Variants in GALNT10 observed in about 807,000 individuals in gnomAD.
The protein encoded by GALNT10 is GalNAc transferase 10.
In GALNT10, 41 loss-of-function variants were observed where a neutral mutation model predicts 75.0. The observed-to-expected ratio is 0.55, with a 90% confidence interval of 0.43 to 0.71. The LOEUF (loss-of-function observed/expected upper bound fraction) is 0.71. Ranked by LOEUF, GALNT10 falls within the 30% of genes least tolerant of loss-of-function variation. The pLI, the probability that GALNT10 is intolerant of heterozygous loss-of-function variation, is 0.00. For synonymous variants in GALNT10, 302 were observed against 313.0 expected (o/e 0.96, Z 0.37); for missense variants, 727 against 818.5 (o/e 0.89, Z 1.36).
In GALNT10 at chr5:154,297,953, A is replaced by G. The variant is rs1754305951; in HGVS notation, c.275A>G (p.Gln92Arg). ...RDAQRVGNGE[Q>R]GRPYPMTDAE... ...TCTTTGCTTCTAGGAAATGGAGAAC[A>G]AGGAAGACCTTACCCCATGACCGAT... The change falls in exon 3 of 12, where the codon CAA becomes CGA. Residue 92 changes from glutamine (Q) to arginine (R), a missense_variant. Coordinates refer to ENST00000297107, the MANE Select transcript of GALNT10 (RefSeq NM_198321.4). The G allele has an allele frequency of 6.2e-7, 1 of 1,613,452 alleles. No individual in the cohort carries two copies. Among genetic ancestry groups the G allele is most frequent in the South Asian group, 1.1e-5 (1 of 91,042 alleles).
Position 154,417,113 on chromosome 5 carries a change from A to G in GALNT10, c.*141A>G. 1 of 718,358 alleles carries G rather than the reference A, an allele frequency of 1.4e-6. No homozygotes were observed. Among genetic ancestry groups the G allele is most frequent in the Non-Finnish European group, 2.3e-6 (1 of 429,246 alleles). 44.5% of individuals were successfully genotyped at this position (718,358 alleles called of 1,614,324 possible). Reference sequence around the variant, plus strand: ...TCAGGGTGAAGAGGGCTCTTGATTCAGGGGCTGGGGTCTGCCTGGTCCTTG... The same window carrying G: ...TCAGGGTGAAGAGGGCTCTTGATTCGGGGGCTGGGGTCTGCCTGGTCCTTG... On this transcript the variant is annotated 3_prime_UTR_variant, in exon 12 of 12. Transcript: ENST00000297107.
At chr5:154,398,429 G>C (rs1456154644) in intron 7 of GALNT10, among the ~76,000 whole-genome samples, 3 of 152,222 alleles carry the variant, frequency 2.0e-5, no homozygotes, top group East Asian at 3.8e-4. Context: ...TTTGTCCCCA[G>C]CTGGACTCTG....
At chr5:154,249,289 A>G (rs537210016) in intron 1 of GALNT10, among the ~76,000 whole-genome samples, 3 of 152,290 alleles carry the variant, frequency 2.0e-5, no homozygotes, top group African/African-American at 7.2e-5. Context: ...AGGAGATGCT[A>G]ATGCTGCCGG....
chr5:154,325,431 G>A (rs936720933), intron 3 of GALNT10, among the ~76,000 whole-genome samples: 10 of 152,012 alleles, frequency 6.6e-5, no homozygotes, highest in African/African-American at 9.7e-5. Context: ...CTATAGACCA[G>A]CGTGCCTTAT....
chr5:154,220,608 G>A lies in GALNT10; in HGVS notation c.159+29583G>A, dbSNP rs536362698. 142 of 152,346 alleles carry A rather than the reference G, an allele frequency of 9.3e-4. 1 individual carries two copies. The highest frequency in any genetic ancestry group is 3.2e-3 in the African/African-American group (135 of 41,578). The allele number at this position is 152,346 out of a possible 1,614,324, so 9.4% of individuals were successfully genotyped here. ...TGGAAGTTACCAGGACAGACCTTCC[G>A]CTGGAATATGTGAAAGAACTTCCAA... On this transcript the variant is annotated intron_variant, in intron 1 of 11. Coordinates refer to ENST00000297107, the MANE Select transcript of GALNT10 (RefSeq NM_198321.4).
At chr5:154,362,454 G>C (rs1755405318) in intron 4 of GALNT10, among the ~76,000 whole-genome samples, 1 of 152,168 alleles carries the variant, frequency 6.6e-6, no homozygotes, top group African/African-American at 2.4e-5. Context: ...TGCTAGGGTA[G>C]GGGGAAAATT....
chr5:154,396,345 G>T (rs943126308), intron 7 of GALNT10, among the ~76,000 whole-genome samples: 1 of 152,246 alleles, frequency 6.6e-6, no homozygotes, highest in Admixed American at 6.5e-5. Flanking sequence ...TCCACATAGG[G>T]AGTCCAGCGG....
intron 4 of GALNT10, chr5:154,337,766 G>A (rs565521586): frequency 7.1e-6 from 8 of 1,132,866 alleles, no homozygotes; most frequent in Admixed American, 3.4e-5. Context: ...AACCACTGAA[G>A]TTTCATCCAT....
chr5:154,321,815 C>T (rs1397769239), intron 3 of GALNT10, among the ~76,000 whole-genome samples: 1 of 152,166 alleles, frequency 6.6e-6, no homozygotes, highest in African/African-American at 2.4e-5. Context: ...ACAGCACCTG[C>T]CCCCTAGAGA....
At chr5:154,398,252 A>G (rs1192909194) in intron 7 of GALNT10, among the ~76,000 whole-genome samples, 1 of 152,232 alleles carries the variant, frequency 6.6e-6, no homozygotes, top group African/African-American at 2.4e-5. Flanking sequence ...GCATCCCCCT[A>G]CAGGGGTGGG....
intron 5 of GALNT10, among the ~76,000 whole-genome samples, chr5:154,377,525 G>A (rs890895597): frequency 9.9e-5 from 15 of 152,238 alleles, no homozygotes; most frequent in African/African-American, 3.4e-4. Flanking sequence ...GAGGCCCGGG[G>A]TGGAGCCTCA....
intron 3 of GALNT10, among the ~76,000 whole-genome samples, chr5:154,301,073 A>C (rs1754349668): frequency 6.6e-6 from 1 of 152,252 alleles, no homozygotes; most frequent in African/African-American, 2.4e-5. Flanking sequence ...CTTTCCTGAC[A>C]GTCCAGAAAA....
At chr5:154,278,427 C>T (rs767713727) in intron 1 of GALNT10, among the ~76,000 whole-genome samples, 1 of 152,136 alleles carries the variant, frequency 6.6e-6, no homozygotes, top group African/African-American at 2.4e-5. Context: ...TTCTGTGTGA[C>T]TTCAAAGAGC....
intron 1 of GALNT10, among the ~76,000 whole-genome samples, chr5:154,235,532 A>G (rs926689932): frequency 6.6e-6 from 1 of 152,166 alleles, no homozygotes; most frequent in African/African-American, 2.4e-5. Context: ...TCTGGAACCC[A>G]CGTGTGTGTT....
intron 7 of GALNT10, among the ~76,000 whole-genome samples, chr5:154,391,224 A>G (rs1264830169): frequency 6.6e-6 from 1 of 152,178 alleles, no homozygotes; most frequent in South Asian, 2.1e-4. Flanking sequence ...GGCATTTACG[A>G]AGGACCGAAT....
At position 154,402,119 on chromosome 5, in the gene GALNT10, G is replaced by A. The variant is rs553076262; in HGVS notation, c.1057-1985G>A. Among the ~76,000 whole-genome samples the A allele has an allele frequency of 2.0e-4, 31 of 152,310 alleles. No homozygotes were observed. Among genetic ancestry groups the A allele is most frequent in the African/African-American group, 7.2e-4 (30 of 41,564 alleles). On this transcript the variant is annotated intron_variant, in intron 7 of 11. Transcript: ENST00000297107. The surrounding 1 kb of genome is among the most constrained non-coding windows in gnomAD (Gnocchi z 4.2). ...CCCACTGGCAGAGTCATCTTTGTAA[G>A]ATGTAAGTGGATTGTGTGTCTCCCT... is the stretch of plus-strand genomic sequence containing the variant.
In GALNT10 at chr5:154,294,976, T is replaced by TTGTGTG. The variant is rs70978534; in HGVS notation, c.262+86_262+91dup. ...CTGTGAAGGGCATATGCACATATGCTTGTGTGTGTGTGTGTGTGTGTGTGT... is the reference window on the plus strand; with the variant it reads ...CTGTGAAGGGCATATGCACATATGCTTGTGTGTGTGTGTGTGTGTGTGTGTGTGTGT... On this transcript the variant is annotated intron_variant, in intron 2 of 11. Transcript: ENST00000297107. The TTGTGTG allele has an allele frequency of 6.0e-4, 367 of 610,458 alleles. 2 individuals carry two copies. The highest frequency in any genetic ancestry group is 4.9e-3 in the Admixed American group (195 of 40,158). The allele number at this position is 610,458 out of a possible 1,614,324, so 37.8% of individuals were successfully genotyped here.
intron 1 of GALNT10, among the ~76,000 whole-genome samples, chr5:154,242,165 A>G (rs1253471698): frequency 6.6e-6 from 1 of 152,226 alleles, no homozygotes; most frequent in African/African-American, 2.4e-5. Context: ...TAATTAGAAA[A>G]TAGTAATTAC....
intron 1 of GALNT10, among the ~76,000 whole-genome samples, chr5:154,270,430 C>CTT (rs1432510701): frequency 5.4e-4 from 82 of 151,890 alleles, no homozygotes; most frequent in Non-Finnish European, 2.4e-4. Flanking sequence ...GACCCACGTG[C>CTT]TTGACAGGCC....
Sources: gnomAD v4.1 joint callset for allele counts (sites outside exome capture counted in the v4.1 genomes callset) on GRCh38, gnomAD v4.1.1 for gene constraint, Gnocchi (gnomAD v3.1) non-coding constraint, MANE v1.5 for transcripts, NCBI Gene and HGNC (gene_info 2026-07-23, HGNC 2026-07-21) for gene names.